TEX36: variants seen among roughly 807,000 people sequenced by gnomAD.
TEX36 encodes testis-expressed protein 36.
In TEX36, 12 loss-of-function variants were observed where a neutral mutation model predicts 13.6. That is an observed-to-expected ratio of 0.88 (90% CI 0.56 to 1.43). TEX36 has a LOEUF of 1.43. Among genes scored for constraint, TEX36 ranks in the 40% most tolerant of loss-of-function variants. The probability of loss-of-function intolerance (pLI) is 0.00; values close to 1 mark genes in which losing one functional copy is unlikely to be tolerated. For synonymous variants in TEX36, 93 were observed against 83.0 expected (o/e 1.12, Z -0.65); for missense variants, 224 against 228.3 (o/e 0.98, Z 0.12).
At chr10:125,665,096 T>C (rs1040825716) in intron 1 of TEX36, among the ~76,000 whole-genome samples, 3 of 152,178 alleles carry the variant, frequency 2.0e-5, no homozygotes, top group Admixed American at 6.5e-5. Context: ...GTTGTTGTTG[T>C]TGTTTTACAG....
At chr10:125,667,514 G>C in intron 1 of TEX36, 1 of 731,776 alleles carries the variant, frequency 1.4e-6, no homozygotes, top group Non-Finnish European at 2.6e-6. Context: ...ATGCCACTTG[G>C]TGAAGTCAGC....
chr10:125,680,131 T>G (rs948554437), intron 1 of TEX36, among the ~76,000 whole-genome samples: 2 of 152,232 alleles, frequency 1.3e-5, no homozygotes, highest in African/African-American at 4.8e-5. Flanking sequence ...AAAGAAATAT[T>G]TTTAGAGGTA....
At position 125,655,738 on chromosome 10, in the gene TEX36, T is replaced by A; in HGVS notation, c.*162A>T. 7.5e-7 allele frequency: 1 copy of A among 1,332,326 alleles called. No individual in the cohort carries two copies. The highest frequency in any genetic ancestry group is 9.6e-7 in the Non-Finnish European group (1 of 1,044,278). The allele number at this position is 1,332,326 out of a possible 1,614,324, so 82.5% of individuals were successfully genotyped here. A position where few individuals can be genotyped will look rare whatever the true frequency, so the allele number is the denominator to read the frequency against. ...AGTTTATTTACACATGCGTATGTCA[T>A]CACAAATTCATTTCACAAGGATTTG... On this transcript the variant is annotated 3_prime_UTR_variant, in exon 4 of 4. Transcript: ENST00000368821.
intron 3 of TEX36, among the ~76,000 whole-genome samples, chr10:125,582,827 T>G (rs1298217700): frequency 6.6e-6 from 1 of 152,198 alleles, no homozygotes; most frequent in Admixed American, 6.5e-5. Flanking sequence ...ATTTTAATAA[T>G]GTCAATATAT....
intron 3 of TEX36, among the ~76,000 whole-genome samples, chr10:125,623,668 G>T (rs1334652849): frequency 1.3e-5 from 2 of 152,096 alleles, no homozygotes; most frequent in African/African-American, 2.4e-5. Flanking sequence ...CCCTGTACGG[G>T]ACTGATGGGT....
At chr10:125,666,531 C>T (rs1010016080) in intron 1 of TEX36, among the ~76,000 whole-genome samples, 5 of 152,236 alleles carry the variant, frequency 3.3e-5, no homozygotes, top group Middle Eastern at 3.4e-3. Flanking sequence ...AGCATCCTTG[C>T]GTCCCTGCTA....
intron 3 of TEX36, among the ~76,000 whole-genome samples, chr10:125,612,089 C>CTTTTTT (rs1221864951): frequency 2.0e-4 from 28 of 136,766 alleles, no homozygotes; most frequent in African/African-American, 2.7e-4. Context: ...TTTTCTTTTT[C>CTTTTTT]TTTTTTTTTT....
chr10:125,597,570 A>T (rs1041451314), intron 3 of TEX36, among the ~76,000 whole-genome samples: 1 of 152,238 alleles, frequency 6.6e-6, no homozygotes, highest in Non-Finnish European at 1.5e-5. Context: ...AAAAGGCAGG[A>T]TATCTTGAAG....
At chr10:125,629,881 A>G (rs915825607) in intron 3 of TEX36, among the ~76,000 whole-genome samples, 2 of 151,904 alleles carry the variant, frequency 1.3e-5, no homozygotes, top group African/African-American at 4.8e-5. Context: ...TGCCCTTTGG[A>G]TGAAATTTTT....
intron 1 of TEX36, among the ~76,000 whole-genome samples, chr10:125,677,370 G>A (rs1228854915): frequency 6.6e-6 from 1 of 152,124 alleles, no homozygotes; most frequent in African/African-American, 2.4e-5. Flanking sequence ...TATCCAAAAT[G>A]TAACAAAGAG....
At chr10:125,603,286 G>C (rs1565171910) in intron 3 of TEX36, among the ~76,000 whole-genome samples, 1 of 152,172 alleles carries the variant, frequency 6.6e-6, no homozygotes, top group African/African-American at 2.4e-5. Context: ...CGACTTCCAA[G>C]TACCTGTGCC....
At chr10:125,652,697 G>T (rs1370075932), downstream of TEX36, among the ~76,000 whole-genome samples, 1 of 152,128 alleles carries the variant, frequency 6.6e-6, no homozygotes, top group African/African-American at 2.4e-5. Flanking sequence ...GAGTGAACAG[G>T]CAACCTACAG....
At chr10:125,604,810 C>CA (rs1565172309) in intron 3 of TEX36, among the ~76,000 whole-genome samples, 6 of 151,566 alleles carry the variant, frequency 4.0e-5, no homozygotes, top group South Asian at 2.1e-4. Flanking sequence ...GACTCTCTCT[C>CA]AAAAAAAGAA....
intron 3 of TEX36, among the ~76,000 whole-genome samples, chr10:125,600,609 C>A (rs1001679799): frequency 2.6e-5 from 4 of 152,168 alleles, no homozygotes; most frequent in Non-Finnish European, 5.9e-5. Context: ...AAAGTGAGGA[C>A]CACCGCAGTC....
At chr10:125,626,734 C>A (rs1179049665) in intron 3 of TEX36, among the ~76,000 whole-genome samples, 1 of 152,128 alleles carries the variant, frequency 6.6e-6, no homozygotes, top group Non-Finnish European at 1.5e-5. Context: ...CAGCTGGAAG[C>A]AATGGGATCC....
intron 3 of TEX36, among the ~76,000 whole-genome samples, chr10:125,581,854 T>C (rs1233236504): frequency 6.6e-6 from 1 of 152,302 alleles, no homozygotes. Context: ...CCAGATGCCA[T>C]GAACTGGGCA....
intron 1 of TEX36, chr10:125,667,783 C>T: frequency 1.0e-6 from 1 of 982,552 alleles, no homozygotes; most frequent in East Asian, 2.4e-5. Flanking sequence ...AGTAGAAGCG[C>T]CAGTTCTCTT....
chr10:125,649,571 T>C (rs1846821657), intron 3 of TEX36, among the ~76,000 whole-genome samples: 1 of 152,288 alleles, frequency 6.6e-6, no homozygotes, highest in Admixed American at 6.5e-5. Flanking sequence ...AGACCATCAA[T>C]GCTAGGAAGA....
rs752996338 is a variant in TEX36, at chr10:125,679,138, A to ACC, written c.51+3799_51+3800dup. ...TCCCCTTGGCTCTGGCTACAGGAGC[A>ACC]CCCCCCCCGCCCCCGCCAAGCTGAC... On this transcript the variant is annotated intron_variant, in intron 1 of 3. Transcript: ENST00000368821. Among the ~76,000 whole-genome samples the ACC allele has an allele frequency of 8.2e-4, 91 of 111,116 alleles. 1 individual carries two copies. Among genetic ancestry groups the ACC allele is most frequent in the Middle Eastern group, 5.1e-3 (1 of 198 alleles). 72.9% of individuals were successfully genotyped at this position (111,116 alleles called of 152,430 possible). A position where few individuals can be genotyped will look rare whatever the true frequency, so the allele number is the denominator to read the frequency against.
Sources: allele counts gnomAD v4.1 joint callset (sites outside exome capture counted in the v4.1 genomes callset), GRCh38; gene constraint gnomAD v4.1.1; transcripts MANE v1.5; gene names NCBI Gene and HGNC (gene_info 2026-07-23, HGNC 2026-07-21).